Variants in RFX2 observed in about 807,000 individuals in gnomAD.
The protein encoded by RFX2 is regulatory factor X2.
Under a neutral mutation model 87.8 loss-of-function variants are expected in RFX2, and 20 were observed. The observed-to-expected ratio is 0.23, with a 90% confidence interval of 0.16 to 0.33. RFX2 has a LOEUF of 0.33. Ranked by LOEUF, RFX2 falls within the 10% of genes least tolerant of loss-of-function variation. The pLI, the probability that RFX2 is intolerant of heterozygous loss-of-function variation, is 1.00. For missense variants in RFX2, 767 were observed against 1,012.3 expected (o/e 0.76, Z 3.29); for synonymous variants, 397 against 431.3 (o/e 0.92, Z 0.98).
Position 6,001,138 on chromosome 19 carries a change from G to A in RFX2, c.1859+677C>T, listed in dbSNP as rs950320447. 3.3e-5 allele frequency among the ~76,000 whole-genome samples: 5 copies of A among 152,164 alleles called. No individual in the cohort carries two copies. The highest frequency in any genetic ancestry group is 5.9e-5 in the Non-Finnish European group (4 of 68,034). On this transcript the variant is annotated intron_variant, in intron 15 of 17. Transcript: ENST00000303657. The surrounding 1 kb of genome is among the most constrained non-coding windows in gnomAD (Gnocchi z 5.6). The stretch of plus-strand genomic sequence containing the variant: ...CCTTCTGGGTTTCTGCACATTGTTC[G>A]GAAGTCTAATGCTGCTCCCATCCCC...
At chr19:6,003,927 G>A (rs2086534697) in intron 13 of RFX2, among the ~76,000 whole-genome samples, 1 of 152,028 alleles carries the variant, frequency 6.6e-6, no homozygotes, top group South Asian at 2.1e-4. Context: ...ACAGCAAGGA[G>A]ATTAAATTTC....
chr19:6,032,144 A>G (rs1051717028), intron 5 of RFX2, among the ~76,000 whole-genome samples: 5 of 151,948 alleles, frequency 3.3e-5, no homozygotes, highest in African/African-American at 1.2e-4. Flanking sequence ...ATTTTTTGAG[A>G]TGGAGTCTTG....
chr19:6,058,172 C>T (rs546902860), intron 1 of RFX2, among the ~76,000 whole-genome samples: 126 of 152,310 alleles, frequency 8.3e-4, no homozygotes, highest in African/African-American at 2.9e-3. Flanking sequence ...ACGGATCCAT[C>T]TCTGGGCTGG....
chr19:6,016,353 C>T lies in RFX2; in HGVS notation c.598-82G>A. 5.3e-6 allele frequency: 5 copies of T among 948,820 alleles called. No homozygotes were observed. The highest frequency in any genetic ancestry group is 7.7e-6 in the Non-Finnish European group (5 of 650,334). The allele number at this position is 948,820 out of a possible 1,614,324, so 58.8% of individuals were successfully genotyped here. ...CAACGTGGACTCATTAAGAGAATTA[C>T]TTGCGTTCCCTGTGTTACCAAATGG... On this transcript the variant is annotated intron_variant, in intron 6 of 17. Transcript: ENST00000303657. The surrounding 1 kb of genome is among the most constrained non-coding windows in gnomAD (Gnocchi z 5.4).
chr19:6,098,826 A>T (rs1022522434), intron 1 of RFX2, among the ~76,000 whole-genome samples: 2 of 152,196 alleles, frequency 1.3e-5, no homozygotes, highest in East Asian at 1.9e-4. Context: ...ATATTTGCCT[A>T]CAAAGTGAGT....
chr19:6,079,461 G>A (rs748856870), intron 1 of RFX2, among the ~76,000 whole-genome samples: 9 of 152,194 alleles, frequency 5.9e-5, no homozygotes, highest in Non-Finnish European at 1.3e-4. Context: ...CCATTTATAC[G>A]ACATTCTGGA....
At position 6,056,389 on chromosome 19, in the gene RFX2, A is replaced by G. The variant is rs2087341855; in HGVS notation, c.-8-8885T>C. ...TAAACAAACACACACACAAGACACC[A>G]GCGATGAGCAGGAGTGGCTCATGAT... On this transcript the variant is annotated intron_variant, in intron 1 of 17. Coordinates refer to ENST00000303657, the MANE Select transcript of RFX2 (RefSeq NM_000635.4). The surrounding 1 kb of genome is among the most constrained non-coding windows in gnomAD (Gnocchi z 4.6). Among the ~76,000 whole-genome samples, 1 of 152,238 alleles carries G rather than the reference A, an allele frequency of 6.6e-6. No individual in the cohort carries two copies. The highest frequency in any genetic ancestry group is 1.5e-5 in the Non-Finnish European group (1 of 68,032).
In RFX2 at chr19:6,011,991, T is replaced by G. The variant is rs2086665160; in HGVS notation, c.899+995A>C. 1 of 152,278 alleles carries G rather than the reference T, an allele frequency of 6.6e-6. No individual in the cohort carries two copies. The highest frequency in any genetic ancestry group is 1.5e-5 in the Non-Finnish European group (1 of 68,064). The allele number at this position is 152,278 out of a possible 1,614,324, so 9.4% of individuals were successfully genotyped here. Reference sequence around the variant, plus strand: ...TTTGTTTTTATAAATAAAGTTTTACTGGCACACAGCCATGCCCATCATCCT... The same window carrying G: ...TTTGTTTTTATAAATAAAGTTTTACGGGCACACAGCCATGCCCATCATCCT... On this transcript the variant is annotated intron_variant, in intron 8 of 17. Transcript: ENST00000303657. The surrounding 1 kb of genome is among the most constrained non-coding windows in gnomAD (Gnocchi z 4.8).
At chr19:6,003,651 C>T (rs1390778653) in intron 13 of RFX2, among the ~76,000 whole-genome samples, 1 of 151,782 alleles carries the variant, frequency 6.6e-6, no homozygotes, top group East Asian at 1.9e-4. Flanking sequence ...TGGTGGCGGG[C>T]ACCTGTAATC....
rs981567917 is a variant in RFX2 at position 6,024,300 on chromosome 19, G to A, written c.597+1863C>T. 2.0e-5 allele frequency among the ~76,000 whole-genome samples: 3 copies of A among 152,168 alleles called. No homozygotes were observed. The highest frequency in any genetic ancestry group is 4.8e-5 in the African/African-American group (2 of 41,442). Reference sequence around the variant, plus strand: ...GCTCTGAGTTTAAGACTGGGGGCTGGGGAGATCCTCTCTCCAAGCACGTGT... The same window carrying A: ...GCTCTGAGTTTAAGACTGGGGGCTGAGGAGATCCTCTCTCCAAGCACGTGT... On this transcript the variant is annotated intron_variant, in intron 6 of 17. Coordinates refer to ENST00000303657, the MANE Select transcript of RFX2 (RefSeq NM_000635.4). This position sits in a 1 kb window ranked among gnomAD's most constrained non-coding sequence, Gnocchi z 5.0.
At position 5,994,557 on chromosome 19, in the gene RFX2, C is replaced by T. The variant is rs2086376908; in HGVS notation, c.*278G>A. ...AGGGTTCCAGCAGAGGAGGGTTTGT[C>T]CAGAATAAGGAACCCATGGTCTGGT... is the stretch of plus-strand genomic sequence containing the variant. On this transcript the variant is annotated 3_prime_UTR_variant, in exon 18 of 18. Coordinates refer to ENST00000303657, the MANE Select transcript of RFX2 (RefSeq NM_000635.4). 2 of 472,242 alleles carry T rather than the reference C, an allele frequency of 4.2e-6. No homozygotes were observed. Among genetic ancestry groups the T allele is most frequent in the East Asian group, 6.8e-5 (2 of 29,286 alleles). 29.3% of individuals were successfully genotyped at this position (472,242 alleles called of 1,614,324 possible).
At chr19:6,082,089 C>T (rs1009584613) in intron 1 of RFX2, among the ~76,000 whole-genome samples, 1 of 151,758 alleles carries the variant, frequency 6.6e-6, no homozygotes, top group South Asian at 2.1e-4. Context: ...AGTGAGACTC[C>T]GTCTCAAAAA....
At chr19:6,095,200 T>C (rs906177230) in intron 1 of RFX2, among the ~76,000 whole-genome samples, 2 of 152,232 alleles carry the variant, frequency 1.3e-5, no homozygotes, top group Non-Finnish European at 2.9e-5. Context: ...TGTTTCTTTA[T>C]TGGCCGGTAA....
chr19:6,045,832 C>T lies in RFX2; in HGVS notation c.91-1550G>A, dbSNP rs1251173966. The stretch of plus-strand genomic sequence containing the variant: ...GATTACAAGCATGTGCCACAATGCT[C>T]GGCTAATTTATTATTATTATTATTT... On this transcript the variant is annotated intron_variant, in intron 2 of 17. Coordinates refer to ENST00000303657, the MANE Select transcript of RFX2 (RefSeq NM_000635.4). This position sits in a 1 kb window ranked among gnomAD's most constrained non-coding sequence, Gnocchi z 5.2. Among the ~76,000 whole-genome samples the T allele has an allele frequency of 6.6e-6, 1 of 151,836 alleles. No individual in the cohort carries two copies. Among genetic ancestry groups the T allele is most frequent in the Non-Finnish European group, 1.5e-5 (1 of 67,990 alleles).
Position 6,052,129 on chromosome 19 carries a change from G to A in RFX2, c.-8-4625C>T, listed in dbSNP as rs140301418. Among the ~76,000 whole-genome samples the A allele has an allele frequency of 6.9e-3, 1,048 of 152,002 alleles. 9 individuals are homozygous for A. Among genetic ancestry groups the A allele is most frequent in the African/African-American group, 0.024 (1,003 of 41,424 alleles). On this transcript the variant is annotated intron_variant, in intron 1 of 17. Coordinates refer to ENST00000303657, the MANE Select transcript of RFX2 (RefSeq NM_000635.4). Reference sequence around the variant, plus strand: ...CTGACCTCTTGATCCACCCACCTCGGCCTCCCAAAGTGCTGGGATTACAGG... The same window carrying A: ...CTGACCTCTTGATCCACCCACCTCGACCTCCCAAAGTGCTGGGATTACAGG...
chr19:6,053,547 T>C (rs1158358183), intron 1 of RFX2, among the ~76,000 whole-genome samples: 5 of 152,214 alleles, frequency 3.3e-5, no homozygotes, highest in Admixed American at 6.5e-5. Flanking sequence ...TGTACAACTC[T>C]GGTGGGTGAT....
chr19:6,035,327 C>T (rs560107613), intron 5 of RFX2, among the ~76,000 whole-genome samples: 1 of 152,018 alleles, frequency 6.6e-6, no homozygotes, highest in South Asian at 2.1e-4. Flanking sequence ...ACAACCCAAA[C>T]AGTAAAAAAG....
At chr19:6,025,783 TC>T (rs1395442400) in intron 6 of RFX2, among the ~76,000 whole-genome samples, 2 of 149,132 alleles carry the variant, frequency 1.3e-5, no homozygotes, top group Non-Finnish European at 3.0e-5. Flanking sequence ...ATTGTCTTCT[TC>T]TTTTTTTTTT....
Position 6,045,809 on chromosome 19 carries a change from T to A in RFX2, c.91-1527A>T, listed in dbSNP as rs1390711138. On this transcript the variant is annotated intron_variant, in intron 2 of 17. Coordinates refer to ENST00000303657, the MANE Select transcript of RFX2 (RefSeq NM_000635.4). The surrounding 1 kb of genome is among the most constrained non-coding windows in gnomAD (Gnocchi z 5.2). ...GCCTCAGCTTCCCGAGTAGCTGGGA[T>A]TACAAGCATGTGCCACAATGCTCGG... Among the ~76,000 whole-genome samples the A allele has an allele frequency of 1.3e-5, 2 of 152,134 alleles. No homozygotes were observed. The highest frequency in any genetic ancestry group is 2.9e-5 in the Non-Finnish European group (2 of 68,026).
Sources: allele counts gnomAD v4.1 joint callset (sites outside exome capture counted in the v4.1 genomes callset), GRCh38; gene constraint gnomAD v4.1.1; non-coding constraint Gnocchi (gnomAD v3.1); transcripts MANE v1.5; gene names NCBI Gene and HGNC (gene_info 2026-07-23, HGNC 2026-07-21).